The following MYO5C variants were observed in gnomAD, a reference collection of about 807,000 sequenced individuals.
The protein encoded by MYO5C is unconventional myosin-Vc.
MYO5C carries 194 observed loss-of-function variants against 235.7 expected under a neutral mutation model. The ratio of observed to expected loss-of-function variants is 0.82; its 90% CI spans 0.73 to 0.93. MYO5C has a LOEUF of 0.93. MYO5C is among the 40% of genes least tolerant of loss of function. MYO5C has a pLI of 0.00. For synonymous variants in MYO5C, 707 were observed against 754.8 expected (o/e 0.94, Z 1.04); for missense variants, 2,038 against 2,127.2 (o/e 0.96, Z 0.82).
chr15:52,205,749 C>A (rs1216500168), intron 37 of MYO5C, 67 bp downstream of exon 37: 10 of 1,021,494 alleles, frequency 9.8e-6, no homozygotes, highest in Non-Finnish European at 1.1e-5. Context: ...TTACACATAC[C>A]AAGTTTATGT....
At chr15:52,283,532 T>C (rs1306793654) in intron 1 of MYO5C, among the ~76,000 whole-genome samples, 1 of 152,028 alleles carries the variant, frequency 6.6e-6, no homozygotes, top group Non-Finnish European at 1.5e-5. Flanking sequence ...AGTCTTTAGG[T>C]AGAACCACGT....
chr15:52,246,884 C>T (rs920113659), intron 16 of MYO5C, 33 bp downstream of exon 16: 12 of 1,556,188 alleles, frequency 7.7e-6, no homozygotes, highest in South Asian at 5.7e-5. Context: ...TGCCTTCCCA[C>T]GTCTTCGCTG....
chr15:52,201,774 G>C (rs1566959149), intron 38 of MYO5C, among the ~76,000 whole-genome samples: 1 of 152,016 alleles, frequency 6.6e-6, no homozygotes, highest in Non-Finnish European at 1.5e-5. Context: ...AAAGTAGGGA[G>C]GCTAAAGGGG....
At chr15:52,248,610 T>A (rs563421895) in intron 14 of MYO5C, 90 bp downstream of exon 14, 24 of 891,554 alleles carry the variant, frequency 2.7e-5, no homozygotes, top group East Asian at 1.0e-4. Context: ...ACACACACTC[T>A]CTCTCTCTCT....
intron 38 of MYO5C, among the ~76,000 whole-genome samples, chr15:52,197,439 C>A (rs74849226): frequency 6.6e-6 from 1 of 152,240 alleles, no homozygotes; most frequent in East Asian, 1.9e-4. Flanking sequence ...TAGGCAAAAT[C>A]TGTAGAGAAA....
rs1048802438 is a variant in MYO5C, at chr15:52,282,832, C to G, written c.88G>C (p.Asp30His). ...AGGACCTTGTCACCAACTCTGTAGTCCTTGGCTATTTCAGCAGACTTCCAA... is the reference window on the plus strand; with the variant it reads ...AGGACCTTGTCACCAACTCTGTAGTGCTTGGCTATTTCAGCAGACTTCCAA... ...EVWKSAEIAK[D>H]YRVGDKVLRL... The change falls in exon 2 of 41, where the codon GAC becomes CAC. Residue 30 changes from aspartate to histidine, a missense_variant. Coordinates refer to ENST00000261839, the MANE Select transcript of MYO5C (RefSeq NM_018728.4). 1 of 1,614,160 alleles carries G rather than the reference C, an allele frequency of 6.2e-7. No individual in the cohort carries two copies. The highest frequency in any genetic ancestry group is 1.3e-5 in the African/African-American group (1 of 75,060).
intron 10 of MYO5C, among the ~76,000 whole-genome samples, chr15:52,260,601 C>T (rs1417569680): frequency 6.6e-6 from 1 of 152,172 alleles, no homozygotes; most frequent in South Asian, 2.1e-4. Context: ...TGAGAAAGCC[C>T]ATGGAAGCCA....
At chr15:52,196,271 AG>A in intron 39 of MYO5C, 37 bp downstream of exon 39, 1 of 1,550,630 alleles carries the variant, frequency 6.4e-7, no homozygotes, top group Non-Finnish European at 8.7e-7. Context: ...CTGATGTGTC[AG>A]GGAAGAGCCA....
chr15:52,218,727 G>A lies in MYO5C; in HGVS notation c.3786-40C>T, dbSNP rs371657229. On this transcript the variant is annotated intron_variant, in intron 31 of 40. Transcript: ENST00000261839. ...GAGGAATGGCTGGTATCAGTATGAC[G>A]GTCATGGAGAAGTCACTCACTGTCA... The A allele has an allele frequency of 1.6e-5, 26 of 1,598,956 alleles. No individual in the cohort carries two copies. The African/African-American group carries it at 1.9e-4, about 12-fold the overall frequency.
intron 20 of MYO5C, 134 bp from the exon 21 acceptor site, chr15:52,240,013 C>T: frequency 1.1e-6 from 1 of 885,518 alleles, no homozygotes; most frequent in Non-Finnish European, 1.7e-6. Flanking sequence ...AGCCGTATTA[C>T]AGCTAGACTT....
rs543274575 is a variant in MYO5C at position 52,275,722 on chromosome 15, A to C, written c.450-4T>G. The C allele has an allele frequency of 4.3e-6, 7 of 1,613,798 alleles. No individual in the cohort carries two copies. In the African/African-American group the frequency reaches 9.3e-5, roughly 22 times the overall value. On this transcript the variant is annotated splice_region_variant and splice_polypyrimidine_tract_variant and intron_variant, in intron 4 of 40. Coordinates refer to ENST00000261839, the MANE Select transcript of MYO5C (RefSeq NM_018728.4). ...TATGGACTGGTTTCTGTTGTTTCTAAAGCAAATAAAAGTTTTCAAATATTA... is the reference window on the plus strand; with the variant it reads ...TATGGACTGGTTTCTGTTGTTTCTACAGCAAATAAAAGTTTTCAAATATTA...
intron 32 of MYO5C, 127 bp from the exon 33 acceptor site, chr15:52,214,817 C>A (rs1028937474): frequency 7.3e-6 from 4 of 550,518 alleles, no homozygotes; most frequent in Non-Finnish European, 1.2e-5. Flanking sequence ...AAAGTGTAAA[C>A]TCAAAGGTTT....
At chr15:52,214,738 C>A in intron 32 of MYO5C, 48 bp from the exon 33 acceptor site, 18 of 1,202,640 alleles carry the variant, frequency 1.5e-5, no homozygotes, top group South Asian at 4.6e-5. Flanking sequence ...GCACTTTAAT[C>A]TATTTTTTTT....
intron 15 of MYO5C, 23 bp downstream of exon 15, chr15:52,247,435 A>C: frequency 6.2e-7 from 1 of 1,612,082 alleles, no homozygotes. Context: ...TAGACCCCTC[A>C]CTCTCAAACA....
Position 52,205,803 on chromosome 15 carries a change from A to T in MYO5C, c.4537+13T>A. 6.7e-7 allele frequency: 1 copy of T among 1,501,816 alleles called. No individual in the cohort carries two copies. The highest frequency in any genetic ancestry group is 9.0e-7 in the Non-Finnish European group (1 of 1,108,076). 93.0% of individuals were successfully genotyped at this position (1,501,816 alleles called of 1,614,324 possible). A position where few individuals can be genotyped will look rare whatever the true frequency, so the allele number is the denominator to read the frequency against. On this transcript the variant is annotated intron_variant, in intron 37 of 40. Transcript: ENST00000261839. ...TACTATAAATATTTTTTGGTCATCCATTCTCTTCTTACCTATTATCGGTTG... is the reference window on the plus strand; with the variant it reads ...TACTATAAATATTTTTTGGTCATCCTTTCTCTTCTTACCTATTATCGGTTG...
intron 1 of MYO5C, among the ~76,000 whole-genome samples, chr15:52,285,893 C>G (rs910905080): frequency 6.6e-6 from 1 of 152,244 alleles, no homozygotes; most frequent in Non-Finnish European, 1.5e-5. Context: ...GCCGCCACCC[C>G]ATCTGGGAAG....
chr15:52,273,574 G>C (rs1427300922), intron 5 of MYO5C, among the ~76,000 whole-genome samples: 2 of 152,118 alleles, frequency 1.3e-5, no homozygotes, highest in Non-Finnish European at 2.9e-5. Context: ...GACCTCTCTT[G>C]CTCTCTTTCT....
chr15:52,196,823 CTG>C (rs968511878), intron 38 of MYO5C, among the ~76,000 whole-genome samples: 4 of 152,218 alleles, frequency 2.6e-5, no homozygotes, highest in African/African-American at 9.7e-5. Flanking sequence ...GTATAAAAAA[CTG>C]TTTTCTTTTT....
intron 1 of MYO5C, among the ~76,000 whole-genome samples, chr15:52,290,720 AC>A (rs2037370679): frequency 6.6e-6 from 1 of 152,158 alleles, no homozygotes; most frequent in Non-Finnish European, 1.5e-5. Flanking sequence ...AGATGAAAAA[AC>A]AAAACACATG....
Sources: allele counts gnomAD v4.1 joint callset (sites outside exome capture counted in the v4.1 genomes callset), GRCh38; gene constraint gnomAD v4.1.1; transcripts MANE v1.5; gene names NCBI Gene and HGNC (gene_info 2026-07-23, HGNC 2026-07-21).